Variants in ZNF707 observed in about 807,000 individuals in gnomAD.
ZNF707 encodes the protein zinc finger protein 707.
In ZNF707, 8 loss-of-function variants were observed where a neutral mutation model predicts 13.3. The ratio of observed to expected loss-of-function variants is 0.60; its 90% CI spans 0.35 to 1.09. The LOEUF (loss-of-function observed/expected upper bound fraction) is 1.09. ZNF707 is among the 50% of genes least tolerant of loss of function. The probability of loss-of-function intolerance (pLI) is 0.02; values close to 1 mark genes in which losing one functional copy is unlikely to be tolerated. For synonymous variants in ZNF707, 225 were observed against 205.6 expected, an observed-to-expected ratio of 1.09 and a Z score of -0.81; for missense variants, 530 against 512.6, an observed-to-expected ratio of 1.03 and a Z score of -0.33.
At chr8:143,692,232 C>G in intron 5 of ZNF707, 1 of 1,290,674 alleles carries the variant, frequency 7.7e-7, no homozygotes, top group Non-Finnish European at 1.0e-6. Flanking sequence ...TTGCTTTTTA[C>G]TTACATTTTC....
intron 1 of ZNF707, among the ~76,000 whole-genome samples, chr8:143,687,793 G>T (rs1281574105): frequency 2.6e-5 from 4 of 152,194 alleles, no homozygotes; most frequent in Non-Finnish European, 5.9e-5. Flanking sequence ...CATGAAGCAG[G>T]ATGTTGGTTG....
chr8:143,685,316 G>A (rs373574616), intron 1 of ZNF707, among the ~76,000 whole-genome samples: 2 of 152,252 alleles, frequency 1.3e-5, no homozygotes, highest in African/African-American at 4.8e-5. Context: ...TTGAGTCCAG[G>A]AGTTCTAGAC....
rs1260457758 is a variant in ZNF707, at chr8:143,694,997, G to C, written c.*467G>C. On this transcript the variant is annotated 3_prime_UTR_variant, in exon 6 of 6. Transcript: ENST00000358656. The surrounding 1 kb of genome is among the most constrained non-coding windows in gnomAD (Gnocchi z 4.4). Reference sequence around the variant, plus strand: ...TGTCTCTGTCTTGGGCGAGGCAGCTGTGAGCATTGCACAGAGGCAAAGACC... The same window carrying C: ...TGTCTCTGTCTTGGGCGAGGCAGCTCTGAGCATTGCACAGAGGCAAAGACC... The C allele has an allele frequency of 6.0e-6, 1 of 167,332 alleles. No homozygotes were observed. The highest frequency in any genetic ancestry group is 2.4e-5 in the African/African-American group (1 of 41,808). The allele number at this position is 167,332 out of a possible 1,614,324, so 10.4% of individuals were successfully genotyped here.
intron 3 of ZNF707, 23 bp downstream of exon 3, chr8:143,690,146 G>A (rs782066261): frequency 3.7e-6 from 6 of 1,603,126 alleles, no homozygotes; most frequent in East Asian, 2.2e-5. Flanking sequence ...GCTGCCGAGC[G>A]CAGCCTCCCT....
Position 143,694,870 on chromosome 8 carries a change from G to C in ZNF707, c.*340G>C. ...AGAAGCCTGCCTGGTGCCCACAGCC[G>C]TCTGGCTCAGGGACTCCACCCTGGC... On this transcript the variant is annotated 3_prime_UTR_variant, in exon 6 of 6. Transcript: ENST00000358656. This position sits in a 1 kb window ranked among gnomAD's most constrained non-coding sequence, Gnocchi z 4.4. The C allele has an allele frequency of 3.8e-6, 1 of 265,060 alleles. No homozygotes were observed. Among genetic ancestry groups the C allele is most frequent in the African/African-American group, 2.2e-5 (1 of 45,220 alleles). The allele number at this position is 265,060 out of a possible 1,614,324, so 16.4% of individuals were successfully genotyped here. A position where few individuals can be genotyped will look rare whatever the true frequency, so the allele number is the denominator to read the frequency against.
At chr8:143,685,265 C>T (rs1374389887) in intron 1 of ZNF707, among the ~76,000 whole-genome samples, 3 of 152,194 alleles carry the variant, frequency 2.0e-5, no homozygotes, top group African/African-American at 7.2e-5. Context: ...TGGCTCCCGC[C>T]TGTAATCTCA....
intron 5 of ZNF707, chr8:143,692,302 T>C (rs781961972): frequency 1.6e-6 from 2 of 1,288,852 alleles, no homozygotes; most frequent in Admixed American, 2.3e-5. Context: ...GTATGTGGAG[T>C]CCCCGACTGT....
intron 4 of ZNF707, 129 bp from the exon 5 acceptor site, chr8:143,691,470 TG>T: frequency 1.8e-6 from 2 of 1,104,246 alleles, no homozygotes; most frequent in Non-Finnish European, 2.6e-6. Context: ...ATCTCTGCTT[TG>T]GGGTGGCTTC....
chr8:143,691,943 A>C, intron 5 of ZNF707: 1 of 1,262,888 alleles, frequency 7.9e-7, no homozygotes, highest in Non-Finnish European at 1.1e-6. Context: ...GCAGGATGAC[A>C]TACAGCTGCA....
chr8:143,690,234 C>A, intron 3 of ZNF707, 111 bp downstream of exon 3: 1 of 1,408,016 alleles, frequency 7.1e-7, no homozygotes, highest in Non-Finnish European at 9.7e-7. Context: ...GCACTGTGCC[C>A]GTGTCTGCCT....
Position 143,693,747 on chromosome 8 carries a change from A to C in ZNF707, c.333A>C (p.Arg111=). Residue 111 remains arginine, a synonymous_variant, in exon 6 of 6, where the codon CGA becomes CGC. Transcript: ENST00000358656. The surrounding 1 kb of genome is among the most constrained non-coding windows in gnomAD (Gnocchi z 4.1). ...CTCACAAGAAAACCCACGTGCGGCG[A>C]GAAAGAGCCAGGGAAGGAAGCAGCT... is the stretch of plus-strand genomic sequence containing the variant. The part of the protein sequence containing the change: ...AWAHKKTHVR[R]ERAREGSSFR... 6.2e-7 allele frequency: 1 copy of C among 1,613,132 alleles called. No individual in the cohort carries two copies. The highest frequency in any genetic ancestry group is 8.5e-7 in the Non-Finnish European group (1 of 1,179,792).
chr8:143,690,099 C>T lies in ZNF707; in HGVS notation c.-10C>T, dbSNP rs369266204. 5.1e-5 allele frequency: 82 copies of T among 1,608,442 alleles called. No homozygotes were observed. Among genetic ancestry groups the T allele is most frequent in the Non-Finnish European group, 6.3e-5 (74 of 1,179,740 alleles). On this transcript the variant is annotated 5_prime_UTR_variant, in exon 3 of 6. Coordinates refer to ENST00000358656, the MANE Select transcript of ZNF707 (RefSeq NM_001100598.2). Reference sequence around the variant, plus strand: ...CTGTGCTTCCCCAGAGGGGTGGCCTCGCTGTTCCCATGGACATGGCCCAGG... The same window carrying T: ...CTGTGCTTCCCCAGAGGGGTGGCCTTGCTGTTCCCATGGACATGGCCCAGG...
In ZNF707 at chr8:143,689,278, C is replaced by T. The variant is rs1816581208; in HGVS notation, c.-76C>T. The T allele has an allele frequency of 6.6e-6, 1 of 152,274 alleles. No homozygotes were observed. The highest frequency in any genetic ancestry group is 2.4e-5 in the African/African-American group (1 of 41,436). 9.4% of individuals were successfully genotyped at this position (152,274 alleles called of 1,614,324 possible). A position where few individuals can be genotyped will look rare whatever the true frequency, so the allele number is the denominator to read the frequency against. On this transcript the variant is annotated 5_prime_UTR_variant, in exon 2 of 6. Transcript: ENST00000358656. ...TCCATGTCTGTAGGGTCTAGAGTGA[C>T]ATCTCCTCCCCTCCCCTGACGAGGT... is the stretch of plus-strand genomic sequence containing the variant.
intron 2 of ZNF707, 34 bp from the exon 3 acceptor site, chr8:143,690,023 C>G: frequency 6.3e-7 from 1 of 1,581,796 alleles, no homozygotes; most frequent in Non-Finnish European, 8.6e-7. Context: ...ATTCCCAGGC[C>G]GGCTATACCC....
chr8:143,690,297 C>A, intron 3 of ZNF707, 174 bp downstream of exon 3: 2 of 744,900 alleles, frequency 2.7e-6, no homozygotes, highest in Non-Finnish European at 4.3e-6. Flanking sequence ...TGGGGCCAGG[C>A]GCAATGCCTC....
intron 3 of ZNF707, 174 bp downstream of exon 3, chr8:143,690,297 C>G: frequency 1.3e-6 from 1 of 744,900 alleles, no homozygotes. Context: ...TGGGGCCAGG[C>G]GCAATGCCTC....
rs1333007068 is a variant in ZNF707 at position 143,693,216 on chromosome 8, G to A, written c.257-455G>A. 1.3e-5 allele frequency among the ~76,000 whole-genome samples: 2 copies of A among 151,956 alleles called. No individual in the cohort carries two copies. Among genetic ancestry groups the A allele is most frequent in the African/African-American group, 2.4e-5 (1 of 41,370 alleles). ...TTTGAACGAGTTTTCCTGATCACTC[G>A]TAACCATGTGGAATGAGCTGAGTCA... On this transcript the variant is annotated intron_variant, in intron 5 of 5. Coordinates refer to ENST00000358656, the MANE Select transcript of ZNF707 (RefSeq NM_001100598.2). This position sits in a 1 kb window ranked among gnomAD's most constrained non-coding sequence, Gnocchi z 4.1.
chr8:143,690,309 C>T (rs1415052024), intron 3 of ZNF707, 186 bp downstream of exon 3: 9 of 662,956 alleles, frequency 1.4e-5, no homozygotes, highest in African/African-American at 3.7e-5. Context: ...CAATGCCTCA[C>T]GCCTGTAATC....
chr8:143,691,183 C>T lies in ZNF707; in HGVS notation c.126C>T (p.Ser42=). The T allele has an allele frequency of 6.2e-7, 1 of 1,612,790 alleles. No homozygotes were observed. The highest frequency in any genetic ancestry group is 8.5e-7 in the Non-Finnish European group (1 of 1,179,148). ...LYRDVMLDNF[S]SVAALGFCSP... is the part of the protein sequence containing the mutation. ...GGGACGTGATGCTGGACAACTTCAG[C>T]AGTGTGGCTGCTCTGGGTGAGCACG... The change falls in exon 4 of 6, where the codon AGC becomes AGT. Residue 42 remains serine, a synonymous_variant. Coordinates refer to ENST00000358656, the MANE Select transcript of ZNF707 (RefSeq NM_001100598.2).
Sources: gnomAD v4.1 joint callset for allele counts (sites outside exome capture counted in the v4.1 genomes callset) on GRCh38, gnomAD v4.1.1 for gene constraint, Gnocchi (gnomAD v3.1) non-coding constraint, MANE v1.5 for transcripts, NCBI Gene and HGNC (gene_info 2026-07-23, HGNC 2026-07-21) for gene names.